Variants in UMOD observed in about 807,000 individuals in gnomAD.
UMOD encodes the protein Tamm-Horsfall urinary glycoprotein.
In UMOD, 64 loss-of-function variants were observed where a neutral mutation model predicts 66.0. The ratio of observed to expected loss-of-function variants is 0.97; its 90% CI spans 0.79 to 1.19. The LOEUF (loss-of-function observed/expected upper bound fraction) is 1.19. Among genes scored for constraint, UMOD ranks in the 50% most tolerant of loss-of-function variants. UMOD has a pLI of 0.00. For missense variants in UMOD, 764 were observed against 850.9 expected (o/e 0.90, Z 1.27); for synonymous variants, 398 against 352.7 (o/e 1.13, Z -1.44).
chr16:20,351,067 A>G (rs1466718394), intron 1 of UMOD: 1 of 385,620 alleles, frequency 2.6e-6, no homozygotes, highest in East Asian at 6.1e-5. Context: ...CACATTGCAC[A>G]TTTTGAAGAA....
intron 1 of UMOD, 108 bp downstream of exon 1, chr16:20,352,581 A>T: frequency 1.2e-6 from 1 of 826,324 alleles, no homozygotes; most frequent in Non-Finnish European, 1.6e-6. Context: ...ATAATGACTC[A>T]AATCCAGGTC....
intron 5 of UMOD, among the ~76,000 whole-genome samples, chr16:20,345,245 C>T (rs570581127): frequency 6.6e-6 from 1 of 152,242 alleles, no homozygotes; most frequent in South Asian, 2.1e-4. Context: ...AACTCCTGAC[C>T]TCAAGTTATC....
intron 9 of UMOD, among the ~76,000 whole-genome samples, chr16:20,336,293 T>C (rs1254406641): frequency 2.0e-5 from 3 of 152,194 alleles, no homozygotes; most frequent in African/African-American, 4.8e-5. Flanking sequence ...CTTCTGCTCA[T>C]CACAAGACCT....
intron 5 of UMOD, among the ~76,000 whole-genome samples, chr16:20,344,922 G>A (rs1027466806): frequency 6.6e-5 from 10 of 152,302 alleles, no homozygotes; most frequent in South Asian, 2.1e-4. Flanking sequence ...TCAGCACCCC[G>A]TGCTTCCTCT....
Position 20,348,758 on chromosome 16 carries a change from GT to G in UMOD, c.542del (p.Asp181AlafsTer63). ...CGTACTCGGTGCTGCGCCAGTACTC[GT>G]CCAGGGTGCGGTGCGCCTGGCACGG... is the stretch of plus-strand genomic sequence containing the variant. ...ADPCQAHRTL[D>X]EYWRSTEYGE... On this transcript the variant is annotated frameshift_variant, in exon 3 of 11. Coordinates refer to ENST00000396138, the MANE Select transcript of UMOD (RefSeq NM_003361.4). LOFTEE classifies it high-confidence loss of function. 1 of 1,543,910 alleles carries G rather than the reference GT, an allele frequency of 6.5e-7. No individual in the cohort carries two copies. The highest frequency in any genetic ancestry group is 8.7e-7 in the Non-Finnish European group (1 of 1,145,768).
upstream of UMOD, among the ~76,000 whole-genome samples, chr16:20,355,235 C>T (rs1043352873): frequency 1.3e-5 from 2 of 152,062 alleles, no homozygotes; most frequent in Admixed American, 1.3e-4. Context: ...TAATTTCCTG[C>T]TCTGTTGCTC....
intron 6 of UMOD, among the ~76,000 whole-genome samples, chr16:20,341,978 C>T (rs1039423925): frequency 2.0e-5 from 3 of 152,158 alleles, no homozygotes; most frequent in Non-Finnish European, 2.9e-5. Flanking sequence ...AGAAATACTC[C>T]GAAATGTGGA....
Position 20,337,401 on chromosome 16 carries a change from A to G in UMOD, c.1630T>C (p.Ser544Pro). ...ATCTGGACGGAAAATCGGCCCTGGG[A>G]GGACTCCCCATTCTCCACCACTTGG... ...TIQVVENGES[S>P]QGRFSVQMFR... Residue 544 changes from serine to proline, a missense_variant, in exon 8 of 11, where the codon TCC becomes CCC. By Grantham distance (74) the Ser-to-Pro change is moderately conservative. Transcript: ENST00000396138. The G allele has an allele frequency of 6.2e-7, 1 of 1,614,212 alleles. No individual in the cohort carries two copies. The highest frequency in any genetic ancestry group is 1.1e-5 in the South Asian group (1 of 91,088).
At position 20,344,035 on chromosome 16, in the gene UMOD, C is replaced by A. The variant is rs375844457; in HGVS notation, c.1320G>T (p.Gln440His). Reference sequence around the variant, plus strand: ...CTCTCTGGCCACACCTGACCATTGGCTGTAGGGCGGTCTTCAGGCTGACTT... The same window carrying A: ...CTCTCTGGCCACACCTGACCATTGGATGTAGGGCGGTCTTCAGGCTGACTT... ...DMKVSLKTAL[Q>H]PMVSALNIRV... is the part of the protein sequence containing the mutation. The change falls in exon 6 of 11, where the codon CAG becomes CAT. Residue 440 changes from glutamine (Q) to histidine (H), a missense_variant. By Grantham distance (24) the Gln-to-His change is conservative (BLOSUM62 0). Coordinates refer to ENST00000396138, the MANE Select transcript of UMOD (RefSeq NM_003361.4). The A allele has an allele frequency of 1.9e-6, 3 of 1,613,674 alleles. No homozygotes were observed. The African/African-American group carries it at 4.0e-5, about 22-fold the overall frequency.
chr16:20,341,171 A>T lies in UMOD; in HGVS notation c.1497T>A (p.Phe499Leu), dbSNP rs779445567. The T allele has an allele frequency of 8.1e-6, 13 of 1,614,052 alleles. No individual in the cohort carries two copies. Residue 499 changes from phenylalanine to leucine, a missense_variant, in exon 7 of 11, where the codon TTT (phenylalanine) becomes TTA (leucine). Phe to Leu is a conservative substitution (Grantham distance 22). Transcript: ENST00000396138. ...TMLDGGDLSR[F>L]ALLMTNCYAT... ...CATAGCAGTTGGTCATGAGCAGTGC[A>T]AATCGGGACAGGTCGCCCCCATCCA... is the stretch of plus-strand genomic sequence containing the variant.
chr16:20,349,298 CAT>C, intron 2 of UMOD, 86 bp from the exon 3 acceptor site: 1 of 1,461,224 alleles, frequency 6.8e-7, no homozygotes, highest in Non-Finnish European at 9.3e-7. Flanking sequence ...CCAGGGAACT[CAT>C]TATTTTTAAG....
At chr16:20,350,462 A>G (rs1356259406) in intron 2 of UMOD, among the ~76,000 whole-genome samples, 188 bp downstream of exon 2, 1 of 152,232 alleles carries the variant, frequency 6.6e-6, no homozygotes, top group Non-Finnish European at 1.5e-5. Flanking sequence ...TATGCACTTT[A>G]GCAAAATTTC....
At chr16:20,342,131 G>A (rs1965258969) in intron 6 of UMOD, among the ~76,000 whole-genome samples, 1 of 152,200 alleles carries the variant, frequency 6.6e-6, no homozygotes, top group African/African-American at 2.4e-5. Flanking sequence ...GATCATTTGA[G>A]GCCAGGAGTT....
Position 20,348,631 on chromosome 16 carries a change from T to A in UMOD, c.670A>T (p.Asn224Tyr). The A allele has an allele frequency of 6.3e-7, 1 of 1,580,292 alleles. No individual in the cohort carries two copies. Among genetic ancestry groups the A allele is most frequent in the Non-Finnish European group, 8.6e-7 (1 of 1,168,056 alleles). Residue 224 changes from asparagine to tyrosine, a missense_variant, in exon 3 of 11, where the codon AAC becomes TAC. Transcript: ENST00000396138. ...TTGAGCCACATGGGGGCGGCCGTGT[T>A]GCAGCGCAGGACTGGCACGCAGGTC... ...AETCVPVLRC[N>Y]TAAPMWLNGT...
intron 6 of UMOD, among the ~76,000 whole-genome samples, 175 bp downstream of exon 6, chr16:20,343,849 G>T (rs1191024345): frequency 2.0e-5 from 3 of 152,158 alleles, no homozygotes; most frequent in Non-Finnish European, 4.4e-5. Flanking sequence ...CATCATTTAT[G>T]ACAAAGTCTA....
upstream of UMOD, chr16:20,356,060 G>A (rs1966024899): frequency 6.6e-6 from 1 of 152,178 alleles, no homozygotes; most frequent in Non-Finnish European, 1.5e-5. Flanking sequence ...AAACTAAAGG[G>A]TGGAGAGTTT....
At chr16:20,343,905 C>A in intron 6 of UMOD, 119 bp downstream of exon 6, 1 of 1,274,898 alleles carries the variant, frequency 7.8e-7, no homozygotes, top group South Asian at 1.3e-5. Context: ...CATTGGGCAA[C>A]CCTGATTCCC....
chr16:20,336,359 CAT>C (rs1192187683), intron 9 of UMOD, among the ~76,000 whole-genome samples: 1 of 152,210 alleles, frequency 6.6e-6, no homozygotes, highest in Non-Finnish European at 1.5e-5. Flanking sequence ...TTTGTGGCCT[CAT>C]GTGTGTGCAA....
rs889149119 is a variant in UMOD at position 20,350,883 on chromosome 16, C to T, written c.-102-44G>A. On this transcript the variant is annotated intron_variant, in intron 1 of 10. Transcript: ENST00000396138. ...GGGACAAATGCATGATCTAACTCTC[C>T]TCCCCACAGCTGGAAGGAGTGCTTT... The T allele has an allele frequency of 6.6e-6, 10 of 1,514,062 alleles. No homozygotes were observed. In the Admixed American group the frequency reaches 1.0e-4, roughly 15 times the overall value. The allele number at this position is 1,514,062 out of a possible 1,614,324, so 93.8% of individuals were successfully genotyped here. A position where few individuals can be genotyped will look rare whatever the true frequency, so the allele number is the denominator to read the frequency against.
Sources: gnomAD v4.1 joint callset for allele counts (sites outside exome capture counted in the v4.1 genomes callset) on GRCh38, gnomAD v4.1.1 for gene constraint, MANE v1.5 for transcripts, NCBI Gene and HGNC (gene_info 2026-07-23, HGNC 2026-07-21) for gene names.